GATA4: variants seen among roughly 807,000 people sequenced by gnomAD.
GATA4 encodes the protein transcription factor GATA-4.
A neutral mutation model predicts 37.9 loss-of-function variants in GATA4; 7 were observed. The observed-to-expected ratio is 0.18, with a 90% CI of 0.11 to 0.35. GATA4 has a LOEUF of 0.35. Ranked by LOEUF, GATA4 falls within the 10% of genes least tolerant of loss-of-function variation. The pLI is 1.00. For synonymous variants in GATA4, 372 were observed against 292.6 expected, an observed-to-expected ratio of 1.27 and a Z score of -2.77; for missense variants, 647 against 653.0, an observed-to-expected ratio of 0.99 and a Z score of 0.10.
chr8:11,708,566 G>A lies in GATA4; in HGVS notation c.254G>A (p.Gly85Asp). 1 of 1,385,050 alleles carries A rather than the reference G, an allele frequency of 7.2e-7. No individual in the cohort carries two copies. Among genetic ancestry groups the A allele is most frequent in the Non-Finnish European group, 9.3e-7 (1 of 1,076,158 alleles). The allele number at this position is 1,385,050 out of a possible 1,614,324, so 85.8% of individuals were successfully genotyped here. The change falls in exon 2 of 7, where the codon GGC becomes GAC. Residue 85 changes from glycine to aspartate, a missense_variant. Gly to Asp is a moderately conservative substitution (Grantham distance 94). Around this residue, in one of 5 missense-constraint regions of GATA4, gnomAD observed 379 missense variants for 334.5 expected, o/e 1.13. Coordinates refer to ENST00000532059, the MANE Select transcript of GATA4 (RefSeq NM_001308093.3). The surrounding 1 kb of genome is among the most constrained non-coding windows in gnomAD (Gnocchi z 6.7). ...GGTGCGGGGCCCGGGACCCAGCAGG[G>A]CAGCCCGGGATGGAGCCAGGCGGGA... ...ASGAGPGTQQGSPGWSQAGAD... is the reference protein window; with the variant it reads ...ASGAGPGTQQDSPGWSQAGAD...
At chr8:11,737,657 C>T (rs560029182) in intron 2 of GATA4, among the ~76,000 whole-genome samples, 101 of 152,262 alleles carry the variant, frequency 6.6e-4, no homozygotes, top group African/African-American at 2.3e-3. Flanking sequence ...AAGATGACAG[C>T]GGGTCAACAG....
upstream of GATA4, chr8:11,692,034 C>G (rs1387201701): frequency 1.0e-6 from 1 of 985,270 alleles, no homozygotes; most frequent in African/African-American, 1.7e-5. Context: ...GTTCATGATC[C>G]TCACCTTAGT....
chr8:11,734,420 T>C (rs1303000714), intron 2 of GATA4, among the ~76,000 whole-genome samples: 1 of 152,218 alleles, frequency 6.6e-6, no homozygotes. Flanking sequence ...CAAGCCTGCT[T>C]TGCAGAAGAC....
chr8:11,690,450 T>G (rs1277725443), upstream of GATA4, among the ~76,000 whole-genome samples: 2 of 152,064 alleles, frequency 1.3e-5, no homozygotes, highest in African/African-American at 4.8e-5. Context: ...GAGAGAGGTA[T>G]ATAGAGAGGC....
intron 5 of GATA4, among the ~76,000 whole-genome samples, chr8:11,755,436 G>T (rs551424934): frequency 6.6e-6 from 1 of 152,202 alleles, no homozygotes; most frequent in African/African-American, 2.4e-5. Context: ...AACTTTACTC[G>T]GTCCTTTCAT....
chr8:11,753,104 A>G (rs770650091), intron 4 of GATA4, among the ~76,000 whole-genome samples: 36 of 152,268 alleles, frequency 2.4e-4, no homozygotes, highest in Non-Finnish European at 4.4e-4. Context: ...CTATTTGTAC[A>G]CTGCTGTTTA....
chr8:11,703,606 G>A (rs1799762865), upstream of GATA4, among the ~76,000 whole-genome samples: 1 of 152,232 alleles, frequency 6.6e-6, no homozygotes, highest in Admixed American at 6.5e-5. Context: ...TAAAATTGAG[G>A]CTGAGGCCTG....
intron 1 of GATA4, among the ~76,000 whole-genome samples, chr8:11,678,882 C>G (rs1244692893): frequency 6.6e-6 from 1 of 152,036 alleles, no homozygotes; most frequent in Non-Finnish European, 1.5e-5. Flanking sequence ...TAGGGGGGAG[C>G]CTTAAAAACA....
intron 1 of GATA4, chr8:11,692,859 G>A (rs1799365320): frequency 3.1e-6 from 3 of 978,644 alleles, no homozygotes; most frequent in Non-Finnish European, 1.2e-6. Context: ...GGCTGACCCC[G>A]AGCGCCGCCG....
At chr8:11,694,473 G>A (rs13262332) in intron 1 of GATA4, 232,680 of 984,434 alleles carry the variant, frequency 0.24, 29,715 homozygotes, top group East Asian at 0.71. Context: ...CCAGCTCTCC[G>A]AGCCGTGGAC....
chr8:11,738,035 G>T (rs1399190255), intron 2 of GATA4, among the ~76,000 whole-genome samples: 3 of 151,982 alleles, frequency 2.0e-5, no homozygotes, highest in Admixed American at 6.6e-5. Context: ...ACAAAAATTA[G>T]CCAGGCGTGA....
At chr8:11,744,590 T>A (rs1238017074) in intron 2 of GATA4, among the ~76,000 whole-genome samples, 1 of 151,710 alleles carries the variant, frequency 6.6e-6, no homozygotes, top group Non-Finnish European at 1.5e-5. Context: ...TGGGACTTAG[T>A]TAGTGCTGTG....
intron 2 of GATA4, among the ~76,000 whole-genome samples, chr8:11,712,331 T>A (rs1419028292): frequency 6.6e-6 from 1 of 152,076 alleles, no homozygotes; most frequent in Non-Finnish European, 1.5e-5. Flanking sequence ...GCATTACCCA[T>A]CGTTGTGGTT....
chr8:11,734,765 C>A (rs1374243499), intron 2 of GATA4, among the ~76,000 whole-genome samples: 2 of 152,306 alleles, frequency 1.3e-5, no homozygotes, highest in South Asian at 4.1e-4. Context: ...GCTGGGATTA[C>A]AAGAGTGAGC....
chr8:11,716,410 T>TA (rs1299995482), intron 2 of GATA4, among the ~76,000 whole-genome samples: 2 of 152,214 alleles, frequency 1.3e-5, no homozygotes, highest in Non-Finnish European at 2.9e-5. Context: ...GTCTTTTACC[T>TA]ATTCTTTTAC....
intron 2 of GATA4, among the ~76,000 whole-genome samples, chr8:11,720,136 G>C (rs575642932): frequency 6.6e-6 from 1 of 151,792 alleles, no homozygotes; most frequent in Non-Finnish European, 1.5e-5. Flanking sequence ...GTGACTCACT[G>C]CCTCTCTCTG....
rs1471365872 is a variant in GATA4, at chr8:11,708,678, C to T, written c.366C>T (p.Ala122=). ...GTTGSLAAAA[A]AAAAREAAAY... is the part of the protein sequence containing the mutation. ...CCGGGTCCCTGGCGGCCGCCGCCGC[C>T]GCTGCCGCGGCCCGGGAAGCTGCGG... The change falls in exon 2 of 7, where the codon GCC becomes GCT. Residue 122 remains alanine (A), a synonymous_variant. Coordinates refer to ENST00000532059, the MANE Select transcript of GATA4 (RefSeq NM_001308093.3). The surrounding 1 kb of genome is among the most constrained non-coding windows in gnomAD (Gnocchi z 6.7). 7 of 1,280,918 alleles carry T rather than the reference C, an allele frequency of 5.5e-6. No homozygotes were observed. The South Asian group carries it at 1.6e-4, about 29-fold the overall frequency. 79.3% of individuals were successfully genotyped at this position (1,280,918 alleles called of 1,614,324 possible). A position where few individuals can be genotyped will look rare whatever the true frequency, so the allele number is the denominator to read the frequency against.
intron 2 of GATA4, among the ~76,000 whole-genome samples, chr8:11,743,822 A>T (rs1029281367): frequency 6.6e-6 from 1 of 152,164 alleles, no homozygotes; most frequent in Non-Finnish European, 1.5e-5. Flanking sequence ...TGTTTAATTG[A>T]TAGGAATATC....
intron 2 of GATA4, among the ~76,000 whole-genome samples, chr8:11,722,655 G>T (rs897213987): frequency 1.3e-5 from 2 of 152,112 alleles, no homozygotes; most frequent in Non-Finnish European, 2.9e-5. Flanking sequence ...GGATTTTGTT[G>T]ACTGCCTTCT....
Sources: gnomAD v4.1 joint callset for allele counts (sites outside exome capture counted in the v4.1 genomes callset) on GRCh38, gnomAD v4.1.1 for gene constraint, gnomAD v4.1.1 regional missense constraint, Gnocchi (gnomAD v3.1) non-coding constraint, MANE v1.5 for transcripts, NCBI Gene and HGNC (gene_info 2026-07-23, HGNC 2026-07-21) for gene names.